SPTB: variants seen among roughly 807,000 people sequenced by gnomAD.
SPTB encodes the protein spectrin beta, erythrocytic.
Under a neutral mutation model 256.2 loss-of-function variants are expected in SPTB, and 45 were observed. The observed-to-expected ratio is 0.18, with a 90% confidence interval of 0.14 to 0.23. The LOEUF is 0.23. SPTB is among the 10% of genes least tolerant of loss of function. The pLI, the probability that SPTB is intolerant of heterozygous loss-of-function variation, is 1.00. For synonymous variants in SPTB, 1,231 were observed against 1,243.1 expected (o/e 0.99, Z 0.21); for missense variants, 2,715 against 3,040.4 (o/e 0.89, Z 2.52).
rs2082755264 is a variant in SPTB, at chr14:64,795,667, CTCAG to C, written c.1342-32_1342-29del. On this transcript the variant is annotated intron_variant, in intron 11 of 35. Coordinates refer to ENST00000644917, the MANE Select transcript of SPTB (RefSeq NM_001355436.2). This position sits in a 1 kb window ranked among gnomAD's most constrained non-coding sequence, Gnocchi z 6.5. ...GCCCCACCGGGAGAAAAACAGGCAG[CTCAG>C]TCAGACACCCAGGGGCTCATCCCCA... 6.2e-7 allele frequency: 1 copy of C among 1,612,882 alleles called. No homozygotes were observed. The highest frequency in any genetic ancestry group is 8.5e-7 in the Non-Finnish European group (1 of 1,179,722).
chr14:64,800,790 T>C lies in SPTB; in HGVS notation c.842A>G (p.Lys281Arg). 6.2e-7 allele frequency: 1 copy of C among 1,614,216 alleles called. No homozygotes were observed. The highest frequency in any genetic ancestry group is 8.5e-7 in the Non-Finnish European group (1 of 1,180,032). ...ACGCTTGCCCTCCACTGCCAGCACCTTCATCTTGGAGAAGTAGTGGTAAAA... is the reference window on the plus strand; with the variant it reads ...ACGCTTGCCCTCCACTGCCAGCACCCTCATCTTGGAGAAGTAGTGGTAAAA... ...VAFYHYFSKM[K>R]VLAVEGKRVG... The change falls in exon 8 of 36, where the codon AAG becomes AGG. Residue 281 changes from lysine to arginine, a missense_variant. Physicochemically the swap from Lys to Arg is conservative, Grantham distance 26 (BLOSUM62 2). Transcript: ENST00000644917.
intron 29 of SPTB, among the ~76,000 whole-genome samples, chr14:64,768,817 G>A (rs1027912913): frequency 1.3e-5 from 2 of 152,128 alleles, no homozygotes; most frequent in Non-Finnish European, 2.9e-5. Context: ...GTGGGGGCAC[G>A]CTGGCTAGTT....
chr14:64,772,555 G>T lies in SPTB; in HGVS notation c.5553+25C>A, dbSNP rs1167269430. 2.5e-6 allele frequency: 4 copies of T among 1,600,910 alleles called. No individual in the cohort carries two copies. The highest frequency in any genetic ancestry group is 3.4e-6 in the Non-Finnish European group (4 of 1,179,716). On this transcript the variant is annotated intron_variant, in intron 26 of 35. Transcript: ENST00000644917. This position sits in a 1 kb window ranked among gnomAD's most constrained non-coding sequence, Gnocchi z 5.4. ...CAGGGCTCCTGGAAATTGGTAGCAG[G>T]TGGGCGGCAGGGGGCTGAAGGTACC...
rs1476568072 is a variant in SPTB at position 64,749,112 on chromosome 14, G to A, written c.*194C>T. ...TCCCTGGAGCGGAGCCAGCGCGGGC[G>A]AGGGCATGGAGGGGGCGTCGGCCCA... On this transcript the variant is annotated 3_prime_UTR_variant, in exon 36 of 36. Transcript: ENST00000644917. This position sits in a 1 kb window ranked among gnomAD's most constrained non-coding sequence, Gnocchi z 4.7. 4 of 571,796 alleles carry A rather than the reference G, an allele frequency of 7.0e-6. No individual in the cohort carries two copies. The highest frequency in any genetic ancestry group is 1.2e-5 in the Non-Finnish European group (4 of 342,866). The allele number at this position is 571,796 out of a possible 1,614,324, so 35.4% of individuals were successfully genotyped here.
rs1470309539 is a variant in SPTB, at chr14:64,746,428, C to G, written c.*2878G>C. The G allele has an allele frequency of 6.5e-6, 1 of 152,754 alleles. No individual in the cohort carries two copies. The highest frequency in any genetic ancestry group is 1.5e-5 in the Non-Finnish European group (1 of 68,130). 9.5% of individuals were successfully genotyped at this position (152,754 alleles called of 1,614,324 possible). A position where few individuals can be genotyped will look rare whatever the true frequency, so the allele number is the denominator to read the frequency against. On this transcript the variant is annotated 3_prime_UTR_variant, in exon 36 of 36. Coordinates refer to ENST00000644917, the MANE Select transcript of SPTB (RefSeq NM_001355436.2). This position sits in a 1 kb window ranked among gnomAD's most constrained non-coding sequence, Gnocchi z 4.9. ...GTCTGTGCCCAACAGGGTTGCATTCCTCTGCAGCCGCCGCCTCCTCATTTC... is the reference window on the plus strand; with the variant it reads ...GTCTGTGCCCAACAGGGTTGCATTCGTCTGCAGCCGCCGCCTCCTCATTTC...
chr14:64,764,709 A>G lies in SPTB; in HGVS notation c.6345+2017T>C, dbSNP rs1312007522. On this transcript the variant is annotated intron_variant, in intron 32 of 35. Coordinates refer to ENST00000644917, the MANE Select transcript of SPTB (RefSeq NM_001355436.2). This position sits in a 1 kb window ranked among gnomAD's most constrained non-coding sequence, Gnocchi z 4.2. ...AGCCCGCACACCAGGACACCGCCAC[A>G]TGCAGACACACAGGGACGCATGGCA... is the stretch of plus-strand genomic sequence containing the variant. 6.6e-6 allele frequency among the ~76,000 whole-genome samples: 1 copy of G among 152,210 alleles called. No individual in the cohort carries two copies. Among genetic ancestry groups the G allele is most frequent in the Non-Finnish European group, 1.5e-5 (1 of 68,038 alleles).
Position 64,759,400 on chromosome 14 carries a change from A to G in SPTB, c.6346-5607T>C, listed in dbSNP as rs2082061898. ...TCCCAGCTCACCAGCTGAACCATCC[A>G]CCCATGCCAACCGTGGGCCCTGGGT... On this transcript the variant is annotated intron_variant, in intron 32 of 35. Transcript: ENST00000644917. This position sits in a 1 kb window ranked among gnomAD's most constrained non-coding sequence, Gnocchi z 4.8. 6.6e-6 allele frequency among the ~76,000 whole-genome samples: 1 copy of G among 152,050 alleles called. No homozygotes were observed. Among genetic ancestry groups the G allele is most frequent in the Non-Finnish European group, 1.5e-5 (1 of 67,996 alleles).
At position 64,823,203 on chromosome 14, in the gene SPTB, C is replaced by G; in HGVS notation, c.-51-58G>C. 1 of 1,367,724 alleles carries G rather than the reference C, an allele frequency of 7.3e-7. No individual in the cohort carries two copies. Among genetic ancestry groups the G allele is most frequent in the Middle Eastern group, 2.0e-4 (1 of 4,982 alleles). 84.7% of individuals were successfully genotyped at this position (1,367,724 alleles called of 1,614,324 possible). On this transcript the variant is annotated intron_variant, in intron 1 of 35. Transcript: ENST00000644917. This position sits in a 1 kb window ranked among gnomAD's most constrained non-coding sequence, Gnocchi z 6.5. Reference sequence around the variant, plus strand: ...TCTCTACCCCCTCGGACTTTTTCTCCGGGGAAACTTATTCGGAGCATCCAA... The same window carrying G: ...TCTCTACCCCCTCGGACTTTTTCTCGGGGGAAACTTATTCGGAGCATCCAA...
In SPTB at chr14:64,807,654, G is replaced by A. The variant is rs1412631824; in HGVS notation, c.149-2564C>T. ...GCCCCAAGGTGAGAGGCATTTCCAT[G>A]AGCTGGCTGGCTCCAGCCGCCTGGC... is the stretch of plus-strand genomic sequence containing the variant. On this transcript the variant is annotated intron_variant, in intron 2 of 35. Coordinates refer to ENST00000644917, the MANE Select transcript of SPTB (RefSeq NM_001355436.2). The surrounding 1 kb of genome is among the most constrained non-coding windows in gnomAD (Gnocchi z 4.7). 1.3e-5 allele frequency among the ~76,000 whole-genome samples: 2 copies of A among 152,250 alleles called. No homozygotes were observed. Among genetic ancestry groups the A allele is most frequent in the Non-Finnish European group, 2.9e-5 (2 of 68,048 alleles).
chr14:64,749,202 G>C lies in SPTB; in HGVS notation c.*104C>G, dbSNP rs1594730174. 2 of 1,404,194 alleles carry C rather than the reference G, an allele frequency of 1.4e-6. No individual in the cohort carries two copies. Among genetic ancestry groups the C allele is most frequent in the African/African-American group, 1.4e-5 (1 of 69,824 alleles). The allele number at this position is 1,404,194 out of a possible 1,614,324, so 87.0% of individuals were successfully genotyped here. ...GGCCCGGGGGCCCGGCCCGCGACTCGACTCATCTCGATTCGACCGGCGGGC... is the reference window on the plus strand; with the variant it reads ...GGCCCGGGGGCCCGGCCCGCGACTCCACTCATCTCGATTCGACCGGCGGGC... On this transcript the variant is annotated 3_prime_UTR_variant, in exon 36 of 36. Transcript: ENST00000644917. The surrounding 1 kb of genome is among the most constrained non-coding windows in gnomAD (Gnocchi z 4.7).
At position 64,801,889 on chromosome 14, in the gene SPTB, C is replaced by G. The variant is rs2082893171; in HGVS notation, c.567-55G>C. On this transcript the variant is annotated intron_variant, in intron 5 of 35. Coordinates refer to ENST00000644917, the MANE Select transcript of SPTB (RefSeq NM_001355436.2). ...GAATTAGATTTTTTGTAGTCCCAAA[C>G]AAGTGTACAAATTGAGGGCCAATAT... 3.3e-6 allele frequency: 5 copies of G among 1,533,816 alleles called. No individual in the cohort carries two copies. In the South Asian group the frequency reaches 5.6e-5, roughly 17 times the overall value.
chr14:64,845,421 A>G lies in SPTB; in HGVS notation c.-51-22276T>C, dbSNP rs2083675058. Among the ~76,000 whole-genome samples the G allele has an allele frequency of 6.6e-6, 1 of 152,230 alleles. No individual in the cohort carries two copies. Among genetic ancestry groups the G allele is most frequent in the East Asian group, 1.9e-4 (1 of 5,206 alleles). On this transcript the variant is annotated intron_variant, in intron 1 of 35. Transcript: ENST00000644917. The surrounding 1 kb of genome is among the most constrained non-coding windows in gnomAD (Gnocchi z 4.8). ...GCCTTTGGAAACTATAAGCCTATTTACAAGTTATAATCTTAGCCCTTTGAT... is the reference window on the plus strand; with the variant it reads ...GCCTTTGGAAACTATAAGCCTATTTGCAAGTTATAATCTTAGCCCTTTGAT...
chr14:64,855,354 CCAT>C (rs1253977665), intron 1 of SPTB, among the ~76,000 whole-genome samples: 1 of 152,146 alleles, frequency 6.6e-6, no homozygotes, highest in African/African-American at 2.4e-5. Flanking sequence ...ACTCAAAACA[CCAT>C]TCTTTATGAA....
At chr14:64,800,715 A>G in intron 8 of SPTB, 41 bp downstream of exon 8, 1 of 1,561,998 alleles carries the variant, frequency 6.4e-7, no homozygotes. Context: ...GACCTGACAA[A>G]CAGGGGAAGA....
In SPTB at chr14:64,793,215, G is replaced by A. The variant is rs2082706067; in HGVS notation, c.2448C>T (p.Ser816=). ...CCTGCAGCCGATGGGTCACATCTGG[G>A]GAATCCCGAAACTCTTCGGGGAATC... ...AQGFPEEFRD[S]PDVTHRLQAL... The change falls in exon 14 of 36, where the codon TCC becomes TCT. Residue 816 remains serine (S), a synonymous_variant. Transcript: ENST00000644917. This position sits in a 1 kb window ranked among gnomAD's most constrained non-coding sequence, Gnocchi z 7.0. The A allele has an allele frequency of 6.2e-7, 1 of 1,611,868 alleles. No individual in the cohort carries two copies. The highest frequency in any genetic ancestry group is 8.5e-7 in the Non-Finnish European group (1 of 1,180,032).
At chr14:64,876,143 T>G (rs1882813063) in intron 1 of SPTB, among the ~76,000 whole-genome samples, 1 of 151,900 alleles carries the variant, frequency 6.6e-6, no homozygotes, top group Non-Finnish European at 1.5e-5. Context: ...TTATATCAAT[T>G]TTTTGTTTGT....
In SPTB at chr14:64,823,030, C is replaced by T. The variant is rs200116664; in HGVS notation, c.65G>A (p.Arg22His). The change falls in exon 2 of 36, where the codon CGC (arginine) becomes CAC (histidine). Residue 22 changes from arginine (R) to histidine (H), a missense_variant. Coordinates refer to ENST00000644917, the MANE Select transcript of SPTB (RefSeq NM_001355436.2). The surrounding 1 kb of genome is among the most constrained non-coding windows in gnomAD (Gnocchi z 6.5). Reference sequence around the variant, plus strand: ...CAGCTCGTCGTCTGGGGCGTCCCAGCGGGCATTGATCCTGCTGTAAGGTGG... The same window carrying T: ...CAGCTCGTCGTCTGGGGCGTCCCAGTGGGCATTGATCCTGCTGTAAGGTGG... ...NQPPYSRINA[R>H]WDAPDDELDN... The T allele has an allele frequency of 1.3e-4, 207 of 1,614,028 alleles. 1 individual carries two copies. Among genetic ancestry groups the T allele is most frequent in the Non-Finnish European group, 1.1e-4 (125 of 1,180,040 alleles).
At chr14:64,839,894 T>C (rs552576367) in intron 1 of SPTB, among the ~76,000 whole-genome samples, 280 of 152,298 alleles carry the variant, frequency 1.8e-3, no homozygotes, top group Non-Finnish European at 2.6e-3. Context: ...GAGAATACTT[T>C]AAGCTACAGA....
intron 33 of SPTB, among the ~76,000 whole-genome samples, chr14:64,751,040 C>T (rs1304867906): frequency 7.0e-6 from 1 of 142,464 alleles, no homozygotes; most frequent in East Asian, 2.0e-4. Flanking sequence ...ATATATGTAG[C>T]AATTATATAT....
Sources: allele counts gnomAD v4.1 joint callset (sites outside exome capture counted in the v4.1 genomes callset), GRCh38; gene constraint gnomAD v4.1.1; non-coding constraint Gnocchi (gnomAD v3.1); transcripts MANE v1.5; gene names NCBI Gene and HGNC (gene_info 2026-07-23, HGNC 2026-07-21).